SLC9C2: variants seen among roughly 807,000 people sequenced by gnomAD.
SLC9C2 encodes sodium/hydrogen exchanger 11.
A neutral mutation model predicts 140.2 loss-of-function variants in SLC9C2; 75 were observed. That is an observed-to-expected ratio of 0.53 (90% CI 0.44 to 0.65). The LOEUF is 0.65. SLC9C2 is among the 30% of genes least tolerant of loss of function. The pLI is 0.00. For missense variants in SLC9C2, 1,074 were observed against 1,331.8 expected, an observed-to-expected ratio of 0.81 and a Z score of 3.01; for synonymous variants, 375 against 420.9, an observed-to-expected ratio of 0.89 and a Z score of 1.34.
At chr1:173,579,972 G>C (rs1665417522) in intron 7 of SLC9C2, among the ~76,000 whole-genome samples, 1 of 152,194 alleles carries the variant, frequency 6.6e-6, no homozygotes, top group African/African-American at 2.4e-5. Flanking sequence ...TTTTTAGAAG[G>C]AAAAGGGAAT....
intron 18 of SLC9C2, among the ~76,000 whole-genome samples, chr1:173,529,634 G>T (rs147537501): frequency 1.3e-3 from 194 of 149,562 alleles, no homozygotes; most frequent in Middle Eastern, 6.8e-3. Context: ...GTGTTACAGA[G>T]ACATACTAGA....
intron 7 of SLC9C2, among the ~76,000 whole-genome samples, chr1:173,580,857 G>C (rs1665486636): frequency 6.6e-6 from 1 of 152,120 alleles, no homozygotes; most frequent in Admixed American, 6.5e-5. Flanking sequence ...ACATAGAAAA[G>C]AGAACAAATA....
intron 2 of SLC9C2, among the ~76,000 whole-genome samples, chr1:173,601,247 C>T (rs1666766438): frequency 6.6e-6 from 1 of 152,172 alleles, no homozygotes; most frequent in Admixed American, 6.5e-5. Flanking sequence ...TTGTCCTCCC[C>T]TCATCTCAGA....
intron 23 of SLC9C2, among the ~76,000 whole-genome samples, chr1:173,513,768 T>A (rs1296774521): frequency 6.6e-6 from 1 of 152,172 alleles, no homozygotes; most frequent in Non-Finnish European, 1.5e-5. Context: ...GAGATCTTTC[T>A]AGCTTTCTGA....
At chr1:173,520,499 C>T (rs1428919317) in intron 22 of SLC9C2, among the ~76,000 whole-genome samples, 7 of 152,184 alleles carry the variant, frequency 4.6e-5, no homozygotes, top group Non-Finnish European at 5.9e-5. Context: ...AAATTAGGCT[C>T]CAAGAAGGCA....
At chr1:173,552,360 T>C (rs943885645) in intron 11 of SLC9C2, among the ~76,000 whole-genome samples, 9 of 152,290 alleles carry the variant, frequency 5.9e-5, no homozygotes, top group African/African-American at 1.9e-4. Flanking sequence ...TCAATGTAGA[T>C]TCAGCAGATT....
intron 11 of SLC9C2, among the ~76,000 whole-genome samples, chr1:173,553,852 T>C (rs1663485318): frequency 6.6e-6 from 1 of 152,190 alleles, no homozygotes. Flanking sequence ...CAATTTTAAA[T>C]ACCCAGACAA....
chr1:173,541,252 G>C (rs1280297320), intron 13 of SLC9C2, among the ~76,000 whole-genome samples: 2 of 151,218 alleles, frequency 1.3e-5, no homozygotes, highest in Non-Finnish European at 2.9e-5. Flanking sequence ...AACATCAAAA[G>C]AGACAAAGGC....
chr1:173,566,136 T>A (rs1476534905), intron 9 of SLC9C2, among the ~76,000 whole-genome samples: 1 of 152,084 alleles, frequency 6.6e-6, no homozygotes, highest in Non-Finnish European at 1.5e-5. Flanking sequence ...TGACCTGAAG[T>A]TTTCTTTTTT....
chr1:173,520,001 G>A (rs1304187681), intron 22 of SLC9C2, among the ~76,000 whole-genome samples: 6 of 152,070 alleles, frequency 3.9e-5, no homozygotes, highest in East Asian at 1.9e-4. Flanking sequence ...TTAGATGGGC[G>A]TGGTGGTGCG....
At chr1:173,583,474 T>G in intron 6 of SLC9C2, 32 bp downstream of exon 6, 1 of 1,239,090 alleles carries the variant, frequency 8.1e-7, no homozygotes, top group Non-Finnish European at 1.2e-6. Context: ...GAGAATGATT[T>G]TAGAAAATAT....
intron 13 of SLC9C2, among the ~76,000 whole-genome samples, chr1:173,546,594 T>C (rs1662865749): frequency 6.6e-6 from 1 of 151,634 alleles, no homozygotes; most frequent in African/African-American, 2.4e-5. Flanking sequence ...ATAAATAAAA[T>C]AAATAAATAA....
chr1:173,502,347 C>G (rs1182385153), intron 27 of SLC9C2, among the ~76,000 whole-genome samples: 1 of 150,868 alleles, frequency 6.6e-6, no homozygotes, highest in Non-Finnish European at 1.5e-5. Flanking sequence ...GGCTAAAGGT[C>G]CTTGAAGCCT....
chr1:173,515,775 T>G (rs1660375341), intron 23 of SLC9C2, among the ~76,000 whole-genome samples: 1 of 152,234 alleles, frequency 6.6e-6, no homozygotes, highest in Non-Finnish European at 1.5e-5. Flanking sequence ...TTTTTTCGTT[T>G]ATTCTTTCTC....
chr1:173,553,172 C>T (rs1207333505), intron 11 of SLC9C2, among the ~76,000 whole-genome samples: 1 of 152,154 alleles, frequency 6.6e-6, no homozygotes, highest in Non-Finnish European at 1.5e-5. Context: ...GCTGCAATCT[C>T]AGGATAAAAC....
At chr1:173,535,628 C>T (rs1377484952) in intron 15 of SLC9C2, among the ~76,000 whole-genome samples, 1 of 152,126 alleles carries the variant, frequency 6.6e-6, no homozygotes, top group Non-Finnish European at 1.5e-5. Flanking sequence ...CATCCTTTTT[C>T]CCTTCCTGAC....
At chr1:173,546,015 G>A (rs566101821) in intron 13 of SLC9C2, among the ~76,000 whole-genome samples, 3 of 152,150 alleles carry the variant, frequency 2.0e-5, no homozygotes, top group East Asian at 1.9e-4. Flanking sequence ...GCTCTAGAAC[G>A]TTCACAAAGC....
In SLC9C2 at chr1:173,507,032, AC is replaced by A; in HGVS notation, c.3048del (p.Arg1016SerfsTer6). On this transcript the variant is annotated frameshift_variant, in exon 25 of 28. Coordinates refer to ENST00000367714, the MANE Select transcript of SLC9C2 (RefSeq NM_178527.4). LOFTEE classifies it high-confidence loss of function. ...FESSLIDEDL[R>X]FQNCVMFNQA... is the part of the protein sequence containing the mutation. Reference sequence around the variant, plus strand: ...TGATTGAACATCACACAGTTCTGAAACCTTAAGTCCTATAATAAAATTGCAT... The same window carrying A: ...TGATTGAACATCACACAGTTCTGAAACTTAAGTCCTATAATAAAATTGCAT... The A allele has an allele frequency of 6.4e-7, 1 of 1,572,718 alleles. No homozygotes were observed. The highest frequency in any genetic ancestry group is 8.6e-7 in the Non-Finnish European group (1 of 1,165,928).
Position 173,582,010 on chromosome 1 carries a change from TA to T in SLC9C2, c.641-3del, listed in dbSNP as rs749000348. Reference sequence around the variant, plus strand: ...TGAGTTCAATGCCTACATGTAAATCTAAAAAAAAGAAAGAAAAAATAAGAAA... The same window carrying T: ...TGAGTTCAATGCCTACATGTAAATCTAAAAAAAGAAAGAAAAAATAAGAAA... On this transcript the variant is annotated splice_polypyrimidine_tract_variant and splice_region_variant and intron_variant, in intron 6 of 27. Transcript: ENST00000367714. 100 of 1,504,918 alleles carry T rather than the reference TA, an allele frequency of 6.6e-5. No homozygotes were observed. The highest frequency in any genetic ancestry group is 1.6e-4 in the South Asian group (12 of 74,560). 93.2% of individuals were successfully genotyped at this position (1,504,918 alleles called of 1,614,324 possible).
Sources: allele counts gnomAD v4.1 joint callset (sites outside exome capture counted in the v4.1 genomes callset), GRCh38; gene constraint gnomAD v4.1.1; transcripts MANE v1.5; gene names NCBI Gene and HGNC (gene_info 2026-07-23, HGNC 2026-07-21).